The following TMEM131 variants were observed in gnomAD, a reference collection of about 807,000 sequenced individuals.
TMEM131 encodes the protein transmembrane protein 131.
TMEM131 carries 66 observed loss-of-function variants against 211.6 expected under a neutral mutation model. That is an observed-to-expected ratio of 0.31 (90% CI 0.26 to 0.38). The LOEUF is 0.38. Among genes scored for constraint, TMEM131 ranks in the 10% least tolerant of loss-of-function variants. The probability of loss-of-function intolerance (pLI) is 1.00; values close to 1 mark genes in which losing one functional copy is unlikely to be tolerated. For missense variants in TMEM131, 2,036 were observed against 2,299.3 expected (o/e 0.89, Z 2.34); for synonymous variants, 844 against 841.3 (o/e 1.00, Z -0.06).
chr2:97,990,237 T>G (rs1680202597), intron 1 of TMEM131, among the ~76,000 whole-genome samples: 2 of 152,156 alleles, frequency 1.3e-5, no homozygotes, highest in South Asian at 4.1e-4. Context: ...TTTAAGAACC[T>G]TCATGATCCA....
chr2:97,792,998 C>A lies in TMEM131; in HGVS notation c.3546-14G>T. The A allele has an allele frequency of 1.3e-6, 2 of 1,502,306 alleles. No homozygotes were observed. 93.1% of individuals were successfully genotyped at this position (1,502,306 alleles called of 1,614,324 possible). On this transcript the variant is annotated splice_polypyrimidine_tract_variant and intron_variant, in intron 30 of 40. Coordinates refer to ENST00000186436, the MANE Select transcript of TMEM131 (RefSeq NM_015348.2). ...AGTGTGTTCAAGCTGAAAAAGGGAC[C>A]AACTGCAGATCAGTAAATAGCAACC...
chr2:97,760,573 T>A lies in TMEM131; in HGVS notation c.5108+20A>T, dbSNP rs373922433. On this transcript the variant is annotated intron_variant, in intron 38 of 40. Coordinates refer to ENST00000186436, the MANE Select transcript of TMEM131 (RefSeq NM_015348.2). ...GAGAAGCCTTCCGTCTTTCTAGCGG[T>A]TAGTGGTGGTCTACCGTACCTGTCT... 174 of 1,598,812 alleles carry A rather than the reference T, an allele frequency of 1.1e-4. No individual in the cohort carries two copies. Among genetic ancestry groups the A allele is most frequent in the Non-Finnish European group, 1.4e-4 (164 of 1,171,616 alleles).
At chr2:97,913,016 C>A (rs372731578) in intron 2 of TMEM131, 1 of 152,132 alleles carries the variant, frequency 6.6e-6, no homozygotes, top group African/African-American at 2.4e-5. Context: ...AATTTTGTTT[C>A]CCTGGGGGAA....
intron 3 of TMEM131, among the ~76,000 whole-genome samples, chr2:97,891,732 T>C (rs922080270): frequency 3.9e-5 from 6 of 152,160 alleles, no homozygotes; most frequent in African/African-American, 7.2e-5. Flanking sequence ...AAACAAAAGA[T>C]ACTCTTTGGC....
chr2:97,809,774 T>C lies in TMEM131; in HGVS notation c.1969A>G (p.Ile657Val). 1 of 1,597,266 alleles carries C rather than the reference T, an allele frequency of 6.3e-7. No homozygotes were observed. The highest frequency in any genetic ancestry group is 8.5e-7 in the Non-Finnish European group (1 of 1,171,044). ...GAIQITTDYE[I>V]LTIPVKAVIA... ...ACAGCCTTCACAGGGATTGTCAGGA[T>C]CTGTGAAGTCAAGAAGATGATGATA... Residue 657 changes from isoleucine (I) to valine (V), a missense_variant and splice_region_variant, in exon 19 of 41, where the codon ATC (isoleucine) becomes GTC (valine). By Grantham distance (29) the Ile-to-Val change is conservative. Coordinates refer to ENST00000186436, the MANE Select transcript of TMEM131 (RefSeq NM_015348.2).
intron 1 of TMEM131, among the ~76,000 whole-genome samples, chr2:97,988,390 T>C (rs572372924): frequency 1.3e-5 from 2 of 152,342 alleles, no homozygotes; most frequent in African/African-American, 4.8e-5. Context: ...GTTCATGACA[T>C]TGGATTTGGC....
chr2:97,805,810 A>AATTTGGGATGTTTT, intron 19 of TMEM131, 107 bp from the exon 20 acceptor site: 4 of 1,013,720 alleles, frequency 3.9e-6, no homozygotes, highest in Non-Finnish European at 5.5e-6. Context: ...AAAGCCCAAA[A>AATTTGGGATGTTTT]GACATCTTAG....
chr2:97,961,703 T>C (rs908760587), intron 1 of TMEM131, among the ~76,000 whole-genome samples: 79 of 152,266 alleles, frequency 5.2e-4, no homozygotes, highest in African/African-American at 1.8e-3. Flanking sequence ...CAGAACAGAA[T>C]TGAAAATCGA....
chr2:97,864,539 T>TA (rs1001660695), intron 4 of TMEM131, among the ~76,000 whole-genome samples: 126 of 152,032 alleles, frequency 8.3e-4, no homozygotes, highest in African/African-American at 2.8e-3. Flanking sequence ...AAAATAATTT[T>TA]AAAAAAAAGC....
intron 31 of TMEM131, among the ~76,000 whole-genome samples, chr2:97,781,243 A>G (rs564995763): frequency 1.3e-5 from 2 of 152,356 alleles, no homozygotes; most frequent in South Asian, 4.1e-4. Context: ...AGCGCCCAGC[A>G]CGTGGCAAGT....
chr2:97,920,644 T>C (rs1676701826), intron 2 of TMEM131, among the ~76,000 whole-genome samples: 1 of 152,198 alleles, frequency 6.6e-6, no homozygotes, highest in Non-Finnish European at 1.5e-5. Flanking sequence ...ACATTTTATG[T>C]TGAGTCGTAT....
rs377721499 is a variant in TMEM131 at position 97,766,445 on chromosome 2, A to C, written c.4573+33T>G. On this transcript the variant is annotated intron_variant, in intron 34 of 40. Coordinates refer to ENST00000186436, the MANE Select transcript of TMEM131 (RefSeq NM_015348.2). Reference sequence around the variant, plus strand: ...TACGGTGCACTATGAAAAGATCCGTAAGACATGATCATAGAGAACAAGATG... The same window carrying C: ...TACGGTGCACTATGAAAAGATCCGTCAGACATGATCATAGAGAACAAGATG... 8.1e-6 allele frequency: 13 copies of C among 1,613,668 alleles called. No homozygotes were observed. The African/African-American group carries it at 1.7e-4, about 22-fold the overall frequency.
intron 1 of TMEM131, among the ~76,000 whole-genome samples, chr2:97,985,330 A>G (rs1679976563): frequency 1.3e-5 from 2 of 151,490 alleles, no homozygotes; most frequent in Admixed American, 6.6e-5. Context: ...GACAAAAATT[A>G]TAATTTCATA....
intron 4 of TMEM131, among the ~76,000 whole-genome samples, chr2:97,862,421 T>C (rs1250907029): frequency 6.6e-6 from 1 of 152,004 alleles, no homozygotes; most frequent in Admixed American, 6.6e-5. Context: ...AACAGAGATA[T>C]GTGACCTTCC....
chr2:97,777,336 C>T (rs1033500937), intron 31 of TMEM131, among the ~76,000 whole-genome samples: 1 of 152,228 alleles, frequency 6.6e-6, no homozygotes, highest in South Asian at 2.1e-4. Context: ...ATGTTTTAGG[C>T]GTTATCCCAG....
At chr2:97,808,964 T>C (rs1681431721) in intron 19 of TMEM131, among the ~76,000 whole-genome samples, 1 of 152,188 alleles carries the variant, frequency 6.6e-6, no homozygotes. Context: ...GGGACTTTAC[T>C]GCCTCAGCCA....
At chr2:97,848,449 C>A (rs1459549951) in intron 5 of TMEM131, among the ~76,000 whole-genome samples, 4 of 152,142 alleles carry the variant, frequency 2.6e-5, no homozygotes, top group Non-Finnish European at 5.9e-5. Flanking sequence ...GTAGCATTTG[C>A]ATATAACCTA....
intron 11 of TMEM131, among the ~76,000 whole-genome samples, chr2:97,822,222 C>T (rs1682158383): frequency 6.6e-6 from 1 of 151,828 alleles, no homozygotes. Flanking sequence ...CACCTGGACT[C>T]ACCAATCAAA....
intron 1 of TMEM131, among the ~76,000 whole-genome samples, chr2:97,932,432 T>G (rs1371907627): frequency 5.9e-5 from 9 of 152,176 alleles, no homozygotes. Context: ...TATTTTAATT[T>G]TATCAAGACC....
Sources: allele counts gnomAD v4.1 joint callset (sites outside exome capture counted in the v4.1 genomes callset), GRCh38; gene constraint gnomAD v4.1.1; transcripts MANE v1.5; gene names NCBI Gene and HGNC (gene_info 2026-07-23, HGNC 2026-07-21).